Variants in IMMP2L observed in about 807,000 individuals in gnomAD.
The protein encoded by IMMP2L is mitochondrial inner membrane protease subunit 2.
Under a neutral mutation model 19.3 loss-of-function variants are expected in IMMP2L, and 18 were observed. The ratio of observed to expected loss-of-function variants is 0.93; its 90% confidence interval spans 0.64 to 1.38. The LOEUF is 1.38. Ranked by LOEUF, IMMP2L falls within the 40% of genes most tolerant of loss-of-function variation. The pLI is 0.00. For missense variants in IMMP2L, 233 were observed against 218.2 expected (o/e 1.07, Z -0.43); for synonymous variants, 76 against 73.0 (o/e 1.04, Z -0.21).
chr7:111,165,153 T>A (rs192912233), intron 3 of IMMP2L, among the ~76,000 whole-genome samples: 1 of 152,184 alleles, frequency 6.6e-6, no homozygotes, highest in African/African-American at 2.4e-5. Flanking sequence ...AGGTACCTCA[T>A]ACAAGTAAAA....
chr7:110,892,334 T>C (rs751419572), intron 4 of IMMP2L, among the ~76,000 whole-genome samples: 1 of 152,146 alleles, frequency 6.6e-6, no homozygotes, highest in Non-Finnish European at 1.5e-5. Context: ...CCATTGTATG[T>C]TCAACCCCAT....
chr7:111,130,903 C>T (rs1801781692), intron 3 of IMMP2L, among the ~76,000 whole-genome samples: 1 of 151,802 alleles, frequency 6.6e-6, no homozygotes, highest in Non-Finnish European at 1.5e-5. Flanking sequence ...ATCATGTCTC[C>T]AAAACAACTT....
In IMMP2L at chr7:111,066,138, C is replaced by T. The variant is rs143605172; in HGVS notation, c.240-102573G>A. Among the ~76,000 whole-genome samples, 702 of 152,124 alleles carry T rather than the reference C, an allele frequency of 4.6e-3. 6 individuals carry two copies. Among genetic ancestry groups the T allele is most frequent in the Middle Eastern group, 0.01 (3 of 294 alleles). On this transcript the variant is annotated intron_variant, in intron 3 of 5. Transcript: ENST00000405709. ...GGACTACAGGTGCACGTCACCACGC[C>T]TGGCAAATTTTTGTATTTTTTAAAA...
At position 110,924,329 on chromosome 7, in the gene IMMP2L, G is replaced by A. The variant is rs193197740; in HGVS notation, c.306-37634C>T. Among the ~76,000 whole-genome samples, 249 of 152,162 alleles carry A rather than the reference G, an allele frequency of 1.6e-3. No homozygotes were observed. The highest frequency in any genetic ancestry group is 5.3e-3 in the African/African-American group (221 of 41,514). Reference sequence around the variant, plus strand: ...AGATAAAAGGGTGTGGATAGGGATCGGGATTTATTTTTGTTTCTCTTCTAA... The same window carrying A: ...AGATAAAAGGGTGTGGATAGGGATCAGGATTTATTTTTGTTTCTCTTCTAA... On this transcript the variant is annotated intron_variant, in intron 4 of 5. Coordinates refer to ENST00000405709, the MANE Select transcript of IMMP2L (RefSeq NM_032549.4). This position sits in a 1 kb window ranked among gnomAD's most constrained non-coding sequence, Gnocchi z 4.2.
chr7:111,473,925 C>G (rs898936091), intron 3 of IMMP2L, among the ~76,000 whole-genome samples: 3 of 152,096 alleles, frequency 2.0e-5, no homozygotes, highest in Non-Finnish European at 1.5e-5. Context: ...AACCTAGGTG[C>G]CCATCAACAG....
At chr7:110,672,826 C>T (rs529117458) in intron 5 of IMMP2L, among the ~76,000 whole-genome samples, 10 of 152,298 alleles carry the variant, frequency 6.6e-5, no homozygotes, top group African/African-American at 2.2e-4. Context: ...TGGGCAGCTC[C>T]GTCCCTGTGG....
intron 3 of IMMP2L, among the ~76,000 whole-genome samples, chr7:111,445,195 G>C (rs528243312): frequency 6.6e-6 from 1 of 151,952 alleles, no homozygotes; most frequent in East Asian, 1.9e-4. Flanking sequence ...AAAAAGTCGT[G>C]CTCTTACACA....
chr7:111,383,856 G>C (rs1214059137), intron 3 of IMMP2L, among the ~76,000 whole-genome samples: 1 of 151,998 alleles, frequency 6.6e-6, no homozygotes, highest in East Asian at 1.9e-4. Flanking sequence ...TGAATATTCA[G>C]TTTATATGTC....
intron 5 of IMMP2L, among the ~76,000 whole-genome samples, chr7:110,836,290 C>T (rs1318365797): frequency 1.3e-5 from 2 of 152,064 alleles, no homozygotes; most frequent in Admixed American, 6.6e-5. Flanking sequence ...CAAGTATTGT[C>T]ATAAATTGGG....
chr7:111,312,517 C>T lies in IMMP2L; in HGVS notation c.239+174721G>A, dbSNP rs115341974. On this transcript the variant is annotated intron_variant, in intron 3 of 5. Transcript: ENST00000405709. Reference sequence around the variant, plus strand: ...GGAGGGGATCATAGATCTCTGTTTACGTGACTATCCTTGAACTGAGAGAAG... The same window carrying T: ...GGAGGGGATCATAGATCTCTGTTTATGTGACTATCCTTGAACTGAGAGAAG... Among the ~76,000 whole-genome samples, 1,060 of 152,174 alleles carry T rather than the reference C, an allele frequency of 7.0e-3. 12 individuals carry two copies. Among genetic ancestry groups the T allele is most frequent in the Middle Eastern group, 0.024 (7 of 294 alleles).
chr7:110,845,904 T>C (rs1231267168), intron 5 of IMMP2L, among the ~76,000 whole-genome samples: 1 of 152,036 alleles, frequency 6.6e-6, no homozygotes, highest in Non-Finnish European at 1.5e-5. Flanking sequence ...CATGTGAGGA[T>C]AGAAAAAAGG....
intron 3 of IMMP2L, among the ~76,000 whole-genome samples, chr7:111,019,803 A>G (rs774075440): frequency 2.0e-5 from 3 of 152,076 alleles, no homozygotes; most frequent in Non-Finnish European, 4.4e-5. Flanking sequence ...TACCCAGAAA[A>G]AAAATTCTTG....
At chr7:111,214,051 CAATA>C (rs1180414593) in intron 3 of IMMP2L, among the ~76,000 whole-genome samples, 2 of 151,958 alleles carry the variant, frequency 1.3e-5, no homozygotes, top group Admixed American at 6.6e-5. Context: ...TTTTAATACA[CAATA>C]AATCAATTAA....
intron 3 of IMMP2L, among the ~76,000 whole-genome samples, chr7:111,243,578 C>A (rs1219017556): frequency 1.4e-5 from 2 of 138,714 alleles, no homozygotes; most frequent in Non-Finnish European, 3.1e-5. Context: ...AGGTTAGTTA[C>A]ATATGTATAC....
chr7:110,687,678 AC>A (rs1443709431), intron 5 of IMMP2L, among the ~76,000 whole-genome samples: 3 of 144,836 alleles, frequency 2.1e-5, no homozygotes, highest in Non-Finnish European at 4.7e-5. Flanking sequence ...AAAATGTTAC[AC>A]TTTTTGATGA....
At chr7:111,198,099 T>C (rs1809696648) in intron 3 of IMMP2L, among the ~76,000 whole-genome samples, 1 of 152,208 alleles carries the variant, frequency 6.6e-6, no homozygotes, top group African/African-American at 2.4e-5. Flanking sequence ...AGATGGCATT[T>C]TGAAGCCATG....
intron 3 of IMMP2L, among the ~76,000 whole-genome samples, chr7:111,092,127 C>A (rs1213966939): frequency 6.6e-6 from 1 of 152,154 alleles, no homozygotes. Flanking sequence ...TTCTGCCAGG[C>A]TACATCTTAC....
chr7:111,176,434 G>A (rs980204046), intron 3 of IMMP2L, among the ~76,000 whole-genome samples: 1 of 151,882 alleles, frequency 6.6e-6, no homozygotes, highest in African/African-American at 2.4e-5. Context: ...AGTACTATTC[G>A]ACTATAAAGA....
intron 4 of IMMP2L, among the ~76,000 whole-genome samples, chr7:110,937,905 A>G (rs1279327005): frequency 1.3e-5 from 2 of 152,192 alleles, no homozygotes; most frequent in East Asian, 3.9e-4. Context: ...AGAACTTCAC[A>G]TACACCAAGC....
Sources: allele counts gnomAD v4.1 joint callset (sites outside exome capture counted in the v4.1 genomes callset), GRCh38; gene constraint gnomAD v4.1.1; non-coding constraint Gnocchi (gnomAD v3.1); transcripts MANE v1.5; gene names NCBI Gene and HGNC (gene_info 2026-07-23, HGNC 2026-07-21).